MRM1: variants seen among roughly 807,000 people sequenced by gnomAD.
The protein encoded by MRM1 is mitochondrial rRNA methyltransferase 1, also known as rRNA methyltransferase 1, mitochondrial.
MRM1 carries 24 observed loss-of-function variants against 25.0 expected under a neutral mutation model. The observed-to-expected ratio is 0.96, with a 90% CI of 0.69 to 1.35. The LOEUF is 1.35. MRM1 is among the 40% of genes most tolerant of loss of function. The probability of loss-of-function intolerance (pLI) is 0.00; values close to 1 mark genes in which losing one functional copy is unlikely to be tolerated. For synonymous variants in MRM1, 188 were observed against 199.2 expected, an observed-to-expected ratio of 0.94 and a Z score of 0.47; for missense variants, 431 against 464.1, an observed-to-expected ratio of 0.93 and a Z score of 0.65.
the MRM1 span, among the ~76,000 whole-genome samples, chr17:36,615,314 G>C: frequency 6.6e-6 from 1 of 152,120 alleles, no homozygotes; most frequent in African/African-American, 2.4e-5. Flanking sequence ...GGCATCAGAA[G>C]GGAGATTCCA....
chr17:36,609,709 ACCCACCTGGGCCTCGGTG>A, downstream of MRM1, among the ~76,000 whole-genome samples: 1 of 151,992 alleles, frequency 6.6e-6, no homozygotes, highest in Non-Finnish European at 1.5e-5. Context: ...GGCGCTCCTT[ACCCACCTGGGCCTCGGTG>A]CCCTCCTGGG....
intron 2 of MRM1, among the ~76,000 whole-genome samples, chr17:36,606,328 T>G (rs926282740): frequency 6.6e-6 from 1 of 152,110 alleles, no homozygotes; most frequent in East Asian, 1.9e-4. Flanking sequence ...AGGTGCTTAA[T>G]AACTATTGAC....
the MRM1 span, among the ~76,000 whole-genome samples, chr17:36,629,726 G>T: frequency 6.6e-6 from 1 of 151,534 alleles, no homozygotes; most frequent in East Asian, 1.9e-4. Context: ...GGAGGGATGG[G>T]GTGGGGGGGG....
At chr17:36,619,341 G>A in the MRM1 span, among the ~76,000 whole-genome samples, 5 of 152,166 alleles carry the variant, frequency 3.3e-5, no homozygotes, top group African/African-American at 7.2e-5. Flanking sequence ...GAATAATGCT[G>A]CTAGGAACAT....
At chr17:36,615,891 G>A in the MRM1 span, among the ~76,000 whole-genome samples, 6 of 151,968 alleles carry the variant, frequency 3.9e-5, no homozygotes, top group Non-Finnish European at 7.4e-5. Context: ...TACTCGGGAG[G>A]CTGAGGCAGG....
Position 36,602,176 on chromosome 17 carries a change from G to A in MRM1, c.366G>A (p.Glu122=). Residue 122 remains glutamate, a synonymous_variant, in exon 1 of 5, where the codon GAG becomes GAA. Coordinates refer to ENST00000614766, the MANE Select transcript of MRM1 (RefSeq NM_024864.5). The surrounding 1 kb of genome is among the most constrained non-coding windows in gnomAD (Gnocchi z 4.1). ...RYQVHQGVCM[E]VSPLRPRPWR... ...AGGTCCACCAGGGTGTCTGCATGGAGGTGAGCCCGCTGCGGCCCCGGCCTT... is the reference window on the plus strand; with the variant it reads ...AGGTCCACCAGGGTGTCTGCATGGAAGTGAGCCCGCTGCGGCCCCGGCCTT... 6.2e-7 allele frequency: 1 copy of A among 1,611,906 alleles called. No homozygotes were observed. Among genetic ancestry groups the A allele is most frequent in the South Asian group, 1.1e-5 (1 of 91,050 alleles).
the MRM1 span, among the ~76,000 whole-genome samples, chr17:36,628,094 TAATCCCTTTA>T: frequency 6.6e-6 from 1 of 152,230 alleles, no homozygotes. Flanking sequence ...GCCCTCTCTC[TAATCCCTTTA>T]ACAATTGTGC....
chr17:36,612,606 AGAG>A (rs560738852), downstream of MRM1, among the ~76,000 whole-genome samples: 5 of 152,324 alleles, frequency 3.3e-5, no homozygotes, highest in African/African-American at 9.6e-5. Flanking sequence ...GAATGAAGTC[AGAG>A]GAGAGAGCAG....
At chr17:36,608,212 C>G (rs1599583908) in intron 4 of MRM1, 31 bp from the exon 5 acceptor site, 1 of 1,539,738 alleles carries the variant, frequency 6.5e-7, no homozygotes, top group South Asian at 1.3e-5. Context: ...TCTCCTCCGT[C>G]CTCTCTTCCC....
chr17:36,632,745 CAG>C, the MRM1 span, among the ~76,000 whole-genome samples: 1 of 152,088 alleles, frequency 6.6e-6, no homozygotes, highest in South Asian at 2.1e-4. Context: ...TCCAGGACAG[CAG>C]AGACGAAAAG....
the MRM1 span, among the ~76,000 whole-genome samples, chr17:36,619,948 T>G: frequency 6.6e-6 from 1 of 152,188 alleles, no homozygotes; most frequent in Non-Finnish European, 1.5e-5. Context: ...CGGTCATTTG[T>G]GATGTCGGGC....
At chr17:36,607,367 T>C (rs967406404) in intron 2 of MRM1, among the ~76,000 whole-genome samples, 1 of 151,872 alleles carries the variant, frequency 6.6e-6, no homozygotes, top group Admixed American at 6.6e-5. Flanking sequence ...ACGCTTGTAA[T>C]CCTAGCACTC....
chr17:36,615,326 G>A, the MRM1 span, among the ~76,000 whole-genome samples: 1 of 152,166 alleles, frequency 6.6e-6, no homozygotes, highest in Non-Finnish European at 1.5e-5. Context: ...GAGATTCCAT[G>A]AGAAGCAGTA....
At chr17:36,608,094 T>G in intron 4 of MRM1, 76 bp downstream of exon 4, 1 of 1,563,488 alleles carries the variant, frequency 6.4e-7, no homozygotes, top group Non-Finnish European at 8.7e-7. Flanking sequence ...TAATCCCATT[T>G]GCTGGCTGTT....
chr17:36,628,811 A>G, the MRM1 span, among the ~76,000 whole-genome samples: 1 of 152,172 alleles, frequency 6.6e-6, no homozygotes, highest in African/African-American at 2.4e-5. Context: ...TTTCAAGTGA[A>G]TTTCTCAAGG....
the MRM1 span, among the ~76,000 whole-genome samples, chr17:36,625,620 C>T: frequency 3.3e-5 from 5 of 151,982 alleles, no homozygotes; most frequent in African/African-American, 9.7e-5. Flanking sequence ...CACGACCACG[C>T]CTGGCTAATT....
In MRM1 at chr17:36,608,277, G is replaced by T; in HGVS notation, c.924G>T (p.Lys308Asn). 6.3e-7 allele frequency: 1 copy of T among 1,591,502 alleles called. No individual in the cohort carries two copies. The highest frequency in any genetic ancestry group is 1.1e-5 in the South Asian group (1 of 87,942). The change falls in exon 5 of 5, where the codon AAG becomes AAT. Residue 308 changes from lysine to asparagine, a missense_variant. By Grantham distance (94) the Lys-to-Asn change is moderately conservative (BLOSUM62 0). Transcript: ENST00000614766. ...TTCACTCCATTTGCAGCCAGAGGAA[G>T]GGTTTCCCCACAGAGGGGGAGAGAA... ...ILLHSICSQR[K>N]GFPTEGERRQ...
At chr17:36,630,992 A>G in the MRM1 span, among the ~76,000 whole-genome samples, 1 of 152,192 alleles carries the variant, frequency 6.6e-6, no homozygotes, top group South Asian at 2.1e-4. Context: ...GCCCCATATC[A>G]TCTAACACCT....
At chr17:36,609,965 G>A (rs143775866), downstream of MRM1, among the ~76,000 whole-genome samples, 9 of 152,260 alleles carry the variant, frequency 5.9e-5, no homozygotes, top group South Asian at 4.2e-4. Context: ...TCACTCTGTC[G>A]CTCAGGCTGG....
Sources: gnomAD v4.1 joint callset for allele counts (sites outside exome capture counted in the v4.1 genomes callset) on GRCh38, gnomAD v4.1.1 for gene constraint, Gnocchi (gnomAD v3.1) non-coding constraint, MANE v1.5 for transcripts, NCBI Gene and HGNC (gene_info 2026-07-23, HGNC 2026-07-21) for gene names.